SGMS1: variants seen among roughly 807,000 people sequenced by gnomAD.
SGMS1 encodes phosphatidylcholine:ceramide cholinephosphotransferase 1.
Under a neutral mutation model 46.2 loss-of-function variants are expected in SGMS1, and 13 were observed. The ratio of observed to expected loss-of-function variants is 0.28; its 90% CI spans 0.18 to 0.45. The LOEUF is 0.45. Ranked by LOEUF, SGMS1 falls within the 20% of genes least tolerant of loss-of-function variation. The pLI is 1.00. For synonymous variants in SGMS1, 203 were observed against 187.8 expected (o/e 1.08, Z -0.66); for missense variants, 324 against 519.9 (o/e 0.62, Z 3.66).
chr10:50,571,972 C>A (rs1191296618), intron 2 of SGMS1, among the ~76,000 whole-genome samples: 18 of 152,138 alleles, frequency 1.2e-4, no homozygotes, highest in Admixed American at 1.2e-3. Context: ...AAAGAAGGTT[C>A]TAATGACAAC....
Position 50,547,673 on chromosome 10 carries a change from G to A in SGMS1, c.-588-27752C>T, listed in dbSNP as rs1004097177. ...ATTCCAAAAACTGAAAAGGAGGGAC[G>A]CCTCCCTAACTCATTCTATGAGGTC... is the stretch of plus-strand genomic sequence containing the variant. On this transcript the variant is annotated intron_variant, in intron 2 of 10. Transcript: ENST00000361781. 6.6e-5 allele frequency among the ~76,000 whole-genome samples: 10 copies of A among 152,004 alleles called. No homozygotes were observed. In the South Asian group the frequency reaches 8.3e-4, roughly 13 times the overall value.
At chr10:50,322,290 T>A (rs961849390) in intron 8 of SGMS1, among the ~76,000 whole-genome samples, 4 of 152,308 alleles carry the variant, frequency 2.6e-5, no homozygotes, top group South Asian at 4.1e-4. Context: ...CGCCCAAACA[T>A]GCATCTCATT....
chr10:50,412,272 CCT>C (rs1564906306), intron 6 of SGMS1, among the ~76,000 whole-genome samples: 2 of 152,166 alleles, frequency 1.3e-5, no homozygotes, highest in Non-Finnish European at 2.9e-5. Context: ...CAAAAAAATT[CCT>C]AACTTCAATT....
chr10:50,608,853 C>T (rs548235360), intron 1 of SGMS1, among the ~76,000 whole-genome samples: 45 of 152,260 alleles, frequency 3.0e-4, no homozygotes, highest in Non-Finnish European at 5.1e-4. Flanking sequence ...TGCTCAAGTC[C>T]ATCATATAAG....
upstream of SGMS1, chr10:50,625,165 CG>C (rs1403202995): frequency 7.4e-6 from 5 of 675,564 alleles, no homozygotes; most frequent in Non-Finnish European, 9.1e-6. Context: ...AAGCAAACTG[CG>C]GCGAAATCGA....
intron 3 of SGMS1, among the ~76,000 whole-genome samples, chr10:50,507,415 T>C (rs1302632070): frequency 6.6e-6 from 1 of 152,204 alleles, no homozygotes; most frequent in Non-Finnish European, 1.5e-5. Flanking sequence ...ACCAAGGTCC[T>C]GGGCTCAGGC....
At chr10:50,375,997 T>C (rs1848516869) in intron 6 of SGMS1, among the ~76,000 whole-genome samples, 2 of 152,144 alleles carry the variant, frequency 1.3e-5, no homozygotes, top group Non-Finnish European at 2.9e-5. Flanking sequence ...GCAGCCGGCA[T>C]TTGTTTATTT....
At chr10:50,511,792 C>A (rs908484376) in intron 3 of SGMS1, among the ~76,000 whole-genome samples, 1 of 152,108 alleles carries the variant, frequency 6.6e-6, no homozygotes, top group African/African-American at 2.4e-5. Flanking sequence ...TGACCCTCTC[C>A]TCTTGTCTGA....
At chr10:50,587,631 A>ATG (rs1415958432) in intron 2 of SGMS1, among the ~76,000 whole-genome samples, 10,830 of 118,188 alleles carry the variant, frequency 0.092, 592 homozygotes, top group Non-Finnish European at 0.12. Context: ...CTCAAAATAT[A>ATG]TATGTGTGTG....
At chr10:50,574,379 G>A (rs1368325621) in intron 2 of SGMS1, among the ~76,000 whole-genome samples, 2 of 152,090 alleles carry the variant, frequency 1.3e-5, no homozygotes, top group East Asian at 1.9e-4. Flanking sequence ...TAGCCAAGAG[G>A]TTTATGACCA....
At chr10:50,349,351 C>T (rs1847967304) in intron 6 of SGMS1, among the ~76,000 whole-genome samples, 1 of 152,170 alleles carries the variant, frequency 6.6e-6, no homozygotes, top group Non-Finnish European at 1.5e-5. Context: ...CCATGAATAC[C>T]TGTGGTACAC....
Position 50,344,200 on chromosome 10 carries a change from T to C in SGMS1, c.-86A>G. On this transcript the variant is annotated 5_prime_UTR_variant, in exon 7 of 11. Transcript: ENST00000361781. The stretch of plus-strand genomic sequence containing the variant: ...CGACAGGGCAGGACACTGTCCTGCC[T>C]CGGCTCGTTCATCCTGTGGGGCCTC... The C allele has an allele frequency of 1.4e-6, 2 of 1,460,670 alleles. No individual in the cohort carries two copies. The highest frequency in any genetic ancestry group is 9.0e-7 in the Non-Finnish European group (1 of 1,106,070). The allele number at this position is 1,460,670 out of a possible 1,614,324, so 90.5% of individuals were successfully genotyped here. A position where few individuals can be genotyped will look rare whatever the true frequency, so the allele number is the denominator to read the frequency against.
intron 2 of SGMS1, among the ~76,000 whole-genome samples, chr10:50,534,069 T>C (rs1047005200): frequency 2.6e-5 from 4 of 152,138 alleles, no homozygotes; most frequent in African/African-American, 7.2e-5. Flanking sequence ...CCCCAAAATA[T>C]ATAGAATGTA....
intron 3 of SGMS1, among the ~76,000 whole-genome samples, chr10:50,515,820 T>A (rs913524490): frequency 5.9e-5 from 9 of 152,160 alleles, no homozygotes; most frequent in Admixed American, 5.9e-4. Flanking sequence ...TACTACCCAT[T>A]AGAATTTGCT....
intron 6 of SGMS1, among the ~76,000 whole-genome samples, chr10:50,363,196 G>A (rs1368062195): frequency 6.6e-6 from 1 of 152,116 alleles, no homozygotes. Context: ...AAAGGGACAA[G>A]AAATCAAAAC....
intron 6 of SGMS1, among the ~76,000 whole-genome samples, chr10:50,408,441 A>C (rs1253574605): frequency 1.2e-4 from 18 of 150,176 alleles, no homozygotes; most frequent in South Asian, 8.5e-4. Context: ...TAAAAAAAAA[A>C]AAAAAAAAAA....
chr10:50,478,480 C>T (rs949921845), intron 3 of SGMS1, among the ~76,000 whole-genome samples: 2 of 152,134 alleles, frequency 1.3e-5, no homozygotes, highest in Non-Finnish European at 2.9e-5. Context: ...GATAAGACTT[C>T]TTTAAAGGAC....
intron 5 of SGMS1, among the ~76,000 whole-genome samples, chr10:50,459,265 A>G (rs1315067115): frequency 6.6e-6 from 1 of 152,258 alleles, no homozygotes; most frequent in Non-Finnish European, 1.5e-5. Context: ...CAGTGATATT[A>G]TAAAAATAAT....
At chr10:50,506,060 C>G (rs928893419) in intron 3 of SGMS1, among the ~76,000 whole-genome samples, 4 of 152,118 alleles carry the variant, frequency 2.6e-5, no homozygotes, top group Non-Finnish European at 5.9e-5. Flanking sequence ...ATTGCCTTCC[C>G]CATCTCCCTT....
Sources: gnomAD v4.1 joint callset for allele counts (sites outside exome capture counted in the v4.1 genomes callset) on GRCh38, gnomAD v4.1.1 for gene constraint, MANE v1.5 for transcripts, NCBI Gene and HGNC (gene_info 2026-07-23, HGNC 2026-07-21) for gene names.